Variants in DHRSX observed in about 807,000 individuals in gnomAD.
DHRSX encodes dehydrogenase/reductase X-linked, also known as polyprenol dehydrogenase.
DHRSX carries 31 observed loss-of-function variants against 34.0 expected under a neutral mutation model. The observed-to-expected ratio is 0.91, with a 90% CI of 0.69 to 1.23. The LOEUF (loss-of-function observed/expected upper bound fraction) is 1.23. Among genes scored for constraint, DHRSX ranks in the 50% most tolerant of loss-of-function variants. DHRSX has a pLI of 0.00. For synonymous variants in DHRSX, 201 were observed against 183.8 expected, an observed-to-expected ratio of 1.09 and a Z score of -0.76; for missense variants, 414 against 428.1, an observed-to-expected ratio of 0.97 and a Z score of 0.29.
chrX:2,371,545 TTC>T (rs961756655), intron 3 of DHRSX, among the ~76,000 whole-genome samples: 7 of 78,794 alleles, frequency 8.9e-5, no homozygotes, highest in South Asian at 3.5e-4. Context: ...TAGTCCGTCC[TTC>T]TGTTACCATA....
At chrX:2,264,661 C>A (rs1287098022) in intron 5 of DHRSX, among the ~76,000 whole-genome samples, 4 of 149,450 alleles carry the variant, frequency 2.7e-5, no homozygotes, top group South Asian at 2.1e-4. Flanking sequence ...CTGTGCCCAG[C>A]AGATCCAGGG....
intron 3 of DHRSX, among the ~76,000 whole-genome samples, chrX:2,352,602 C>G (rs2042801514): frequency 6.6e-6 from 1 of 152,180 alleles, no homozygotes; most frequent in Admixed American, 6.5e-5. Context: ...TTCCTACCAA[C>G]AAGTGTCTGC....
intron 6 of DHRSX, among the ~76,000 whole-genome samples, chrX:2,233,799 A>G (rs1467112420): frequency 2.6e-5 from 4 of 152,110 alleles, no homozygotes; most frequent in Non-Finnish European, 5.9e-5. Context: ...CACAAAATAG[A>G]AGATAGAGTT....
chrX:2,404,556 T>C (rs1460302691), intron 3 of DHRSX, among the ~76,000 whole-genome samples: 4 of 152,240 alleles, frequency 2.6e-5, no homozygotes, highest in South Asian at 4.2e-4. Context: ...TCTCTTCCTT[T>C]CCCAAGCATT....
chrX:2,307,209 A>G (rs2042108855), intron 3 of DHRSX, among the ~76,000 whole-genome samples: 1 of 152,204 alleles, frequency 6.6e-6, no homozygotes, highest in Non-Finnish European at 1.5e-5. Flanking sequence ...ATTAACACAG[A>G]AACGGAAAAT....
chrX:2,359,326 A>G (rs778764877), intron 3 of DHRSX, among the ~76,000 whole-genome samples: 1 of 152,350 alleles, frequency 6.6e-6, no homozygotes, highest in Admixed American at 6.5e-5. Flanking sequence ...CACCTTTCAC[A>G]ATAGCAAAGA....
intron 3 of DHRSX, among the ~76,000 whole-genome samples, chrX:2,378,795 C>A (rs868294165): frequency 6.6e-6 from 1 of 151,944 alleles, no homozygotes; most frequent in Non-Finnish European, 1.5e-5. Context: ...CTCAGCCCCC[C>A]GAGTAGCTGG....
At chrX:2,460,164 G>A (rs771074162) in intron 1 of DHRSX, among the ~76,000 whole-genome samples, 2 of 152,194 alleles carry the variant, frequency 1.3e-5, no homozygotes, top group African/African-American at 2.4e-5. Context: ...CAGAAGAGAT[G>A]ACCTTCCAGT....
intron 3 of DHRSX, among the ~76,000 whole-genome samples, chrX:2,295,284 A>G (rs749170802): frequency 6.6e-6 from 1 of 152,314 alleles, no homozygotes; most frequent in East Asian, 1.9e-4. Flanking sequence ...AGGGACATGG[A>G]TGAAGCTGGA....
At chrX:2,492,415 C>G (rs1431332351) in intron 1 of DHRSX, among the ~76,000 whole-genome samples, 1 of 151,370 alleles carries the variant, frequency 6.6e-6, no homozygotes. Context: ...AGGAAGGATC[C>G]TCCTCTAGAG....
chrX:2,441,067 G>A (rs776974681), intron 1 of DHRSX, among the ~76,000 whole-genome samples: 1 of 152,294 alleles, frequency 6.6e-6, no homozygotes, highest in East Asian at 1.9e-4. Flanking sequence ...CCACATTCAA[G>A]TTCTGGAACA....
At chrX:2,373,577 C>A (rs2043105151) in intron 3 of DHRSX, among the ~76,000 whole-genome samples, 1 of 152,144 alleles carries the variant, frequency 6.6e-6, no homozygotes, top group African/African-American at 2.4e-5. Context: ...CAAGGAAGAG[C>A]TGAGGGACTG....
chrX:2,496,929 TAC>T (rs1303050417), intron 1 of DHRSX, among the ~76,000 whole-genome samples: 4 of 149,722 alleles, frequency 2.7e-5, no homozygotes, highest in Non-Finnish European at 6.0e-5. Flanking sequence ...ATATATTACA[TAC>T]ATTTTTGTAT....
At chrX:2,387,720 C>A (rs2043287637) in intron 3 of DHRSX, among the ~76,000 whole-genome samples, 1 of 151,982 alleles carries the variant, frequency 6.6e-6, no homozygotes, top group South Asian at 2.1e-4. Flanking sequence ...TCCTTCAATC[C>A]AATCAAGTTT....
chrX:2,480,317 A>G (rs2044749791), intron 1 of DHRSX, among the ~76,000 whole-genome samples: 1 of 150,742 alleles, frequency 6.6e-6, no homozygotes, highest in African/African-American at 2.4e-5. Context: ...AGCTGAACGC[A>G]TAAACGCAGA....
chrX:2,356,720 A>G (rs2042857748), intron 3 of DHRSX, among the ~76,000 whole-genome samples: 1 of 152,162 alleles, frequency 6.6e-6, no homozygotes, highest in African/African-American at 2.4e-5. Context: ...GATGATGAGG[A>G]TGAAGACCTC....
At chrX:2,407,020 G>A (rs1373095533) in intron 3 of DHRSX, among the ~76,000 whole-genome samples, 1 of 152,122 alleles carries the variant, frequency 6.6e-6, no homozygotes, top group Non-Finnish European at 1.5e-5. Flanking sequence ...CAACCTAGGT[G>A]TCCAACAACA....
intron 3 of DHRSX, among the ~76,000 whole-genome samples, chrX:2,375,646 G>C (rs1452422453): frequency 7.4e-6 from 1 of 135,492 alleles, no homozygotes; most frequent in Non-Finnish European, 1.7e-5. Context: ...TGGTTGGTTG[G>C]TTTTTGAGAC....
At chrX:2,475,888 G>C (rs1603144492) in intron 1 of DHRSX, among the ~76,000 whole-genome samples, 1 of 152,180 alleles carries the variant, frequency 6.6e-6, no homozygotes, top group Non-Finnish European at 1.5e-5. Flanking sequence ...CGGAAAGAAT[G>C]GGGTGGTGTA....
Sources: gnomAD v4.1 joint callset for allele counts (sites outside exome capture counted in the v4.1 genomes callset) on GRCh38, gnomAD v4.1.1 for gene constraint, MANE v1.5 for transcripts, NCBI Gene and HGNC (gene_info 2026-07-23, HGNC 2026-07-21) for gene names.